Variants in N4BP2 observed in about 807,000 individuals in gnomAD.
N4BP2 encodes NEDD4 binding protein 2.
Under a neutral mutation model 152.8 loss-of-function variants are expected in N4BP2, and 91 were observed. The observed-to-expected ratio is 0.60, with a 90% CI of 0.50 to 0.71. The LOEUF is 0.71. Among genes scored for constraint, N4BP2 ranks in the 30% least tolerant of loss-of-function variants. The probability of loss-of-function intolerance (pLI) is 0.00; values close to 1 mark genes in which losing one functional copy is unlikely to be tolerated. For missense variants in N4BP2, 1,923 were observed against 2,059.1 expected (o/e 0.93, Z 1.28); for synonymous variants, 646 against 705.3 (o/e 0.92, Z 1.33).
intron 2 of N4BP2, among the ~76,000 whole-genome samples, chr4:40,075,985 C>G (rs1482367134): frequency 6.6e-6 from 1 of 152,062 alleles, no homozygotes; most frequent in Non-Finnish European, 1.5e-5. Flanking sequence ...TACCACCAGG[C>G]CTAGCTAATT....
intron 2 of N4BP2, among the ~76,000 whole-genome samples, chr4:40,077,304 T>C (rs1473231952): frequency 2.0e-5 from 3 of 151,502 alleles, no homozygotes; most frequent in Non-Finnish European, 4.4e-5. Context: ...TGTACCACCA[T>C]GCCTGGCTGT....
At chr4:40,110,129 A>T (rs780059870) in intron 5 of N4BP2, among the ~76,000 whole-genome samples, 2 of 152,174 alleles carry the variant, frequency 1.3e-5, no homozygotes, top group Non-Finnish European at 2.9e-5. Context: ...TTCAAGCTTC[A>T]TCCATGTTGT....
Position 40,120,068 on chromosome 4 carries a change from C to A in N4BP2, c.1957C>A (p.Leu653Ile), listed in dbSNP as rs922840832. Residue 653 changes from leucine (L) to isoleucine (I), a missense_variant, in exon 9 of 18, where the codon CTC becomes ATC. By Grantham distance (5) the Leu-to-Ile change is conservative. Coordinates refer to ENST00000261435, the MANE Select transcript of N4BP2 (RefSeq NM_018177.6). Reference sequence around the variant, plus strand: ...AATGTTACCTGAGAATGTTGCATATCTCTCTAATGCAGATTTAAACAAAAG... The same window carrying A: ...AATGTTACCTGAGAATGTTGCATATATCTCTAATGCAGATTTAAACAAAAG... ...ETMLPENVAY[L>I]SNADLNKRRK... 6.2e-7 allele frequency: 1 copy of A among 1,610,910 alleles called. No homozygotes were observed. Among genetic ancestry groups the A allele is most frequent in the South Asian group, 1.1e-5 (1 of 90,866 alleles).
chr4:40,074,030 G>C (rs1712474814), intron 2 of N4BP2, among the ~76,000 whole-genome samples: 1 of 152,034 alleles, frequency 6.6e-6, no homozygotes, highest in African/African-American at 2.4e-5. Context: ...AACCTCAGGT[G>C]ATCCGCCCGC....
chr4:40,169,020 C>T, the N4BP2 span, among the ~76,000 whole-genome samples: 9 of 151,974 alleles, frequency 5.9e-5, no homozygotes, highest in African/African-American at 2.2e-4. Flanking sequence ...GCCACTGCGC[C>T]TGGCCAAATA....
chr4:40,135,469 T>C (rs545067092), intron 13 of N4BP2, among the ~76,000 whole-genome samples: 248 of 152,226 alleles, frequency 1.6e-3, no homozygotes, highest in African/African-American at 5.8e-3. Context: ...TACCCAGTAA[T>C]GGGATGGCTG....
chr4:40,160,194 G>A (rs1363179801), downstream of N4BP2, among the ~76,000 whole-genome samples: 7 of 152,060 alleles, frequency 4.6e-5, no homozygotes, highest in African/African-American at 9.7e-5. Context: ...TAAATGACAC[G>A]GACTAGCTTA....
At chr4:40,122,970 CATAAAT>C (rs1718074412) in intron 9 of N4BP2, among the ~76,000 whole-genome samples, 151 bp from the exon 10 acceptor site, 1 of 152,138 alleles carries the variant, frequency 6.6e-6, no homozygotes, top group South Asian at 2.1e-4. Context: ...TAGCATATAA[CATAAAT>C]AGAAATACTC....
intron 1 of N4BP2, among the ~76,000 whole-genome samples, chr4:40,067,447 G>A (rs1482351984): frequency 2.0e-5 from 3 of 150,098 alleles, no homozygotes. Flanking sequence ...GGACATTTAG[G>A]TTGCTTCCAC....
At chr4:40,146,869 CT>C (rs33993973) in intron 16 of N4BP2, among the ~76,000 whole-genome samples, 20,669 of 89,670 alleles carry the variant, frequency 0.23, 2,096 homozygotes, top group Admixed American at 0.29. Flanking sequence ...ATGTGTTTGG[CT>C]TTTTTTTTTT....
chr4:40,098,727 T>TA (rs980414540), intron 3 of N4BP2, among the ~76,000 whole-genome samples: 4 of 152,238 alleles, frequency 2.6e-5, no homozygotes, highest in Admixed American at 2.0e-4. Flanking sequence ...CTAATTTTGA[T>TA]ATGTTTAAAA....
chr4:40,085,388 T>G (rs1302479408), intron 2 of N4BP2, among the ~76,000 whole-genome samples: 2 of 152,220 alleles, frequency 1.3e-5, no homozygotes, highest in Admixed American at 1.3e-4. Context: ...TACTTTGATG[T>G]GGGTCTACAG....
At chr4:40,141,631 C>T (rs1217250202) in intron 14 of N4BP2, among the ~76,000 whole-genome samples, 2 of 151,678 alleles carry the variant, frequency 1.3e-5, no homozygotes, top group Admixed American at 6.6e-5. Flanking sequence ...GGGCTCCTCA[C>T]GTCCCAGATG....
chr4:40,134,747 C>G (rs1719201807), intron 13 of N4BP2, among the ~76,000 whole-genome samples: 2 of 152,106 alleles, frequency 1.3e-5, no homozygotes, highest in Admixed American at 1.3e-4. Context: ...CTGGTAGTTG[C>G]ACATGGCTTC....
At chr4:40,104,321 G>A (rs375673740) in intron 4 of N4BP2, among the ~76,000 whole-genome samples, 1 of 151,130 alleles carries the variant, frequency 6.6e-6, no homozygotes, top group African/African-American at 2.4e-5. Context: ...TTATCAGTTG[G>A]GTCTCTATTT....
chr4:40,071,780 G>A (rs1712212659), intron 1 of N4BP2, among the ~76,000 whole-genome samples: 1 of 152,106 alleles, frequency 6.6e-6, no homozygotes, highest in Non-Finnish European at 1.5e-5. Context: ...TGGCCAGGCT[G>A]GTCTTGAACT....
In N4BP2 at chr4:40,152,912, A is replaced by T. The variant is rs1434745392; in HGVS notation, c.5267+9A>T. ...ATAAGCCATAGCTTCAGGTGAGTGT[A>T]GATTTCTGTTATTAATAATGGCAAC... On this transcript the variant is annotated intron_variant, in intron 17 of 17. Transcript: ENST00000261435. 37 of 1,613,202 alleles carry T rather than the reference A, an allele frequency of 2.3e-5. No individual in the cohort carries two copies. Among genetic ancestry groups the T allele is most frequent in the Non-Finnish European group, 3.1e-5 (37 of 1,179,672 alleles).
At chr4:40,080,629 C>G (rs1713265446) in intron 2 of N4BP2, among the ~76,000 whole-genome samples, 1 of 151,206 alleles carries the variant, frequency 6.6e-6, no homozygotes, top group African/African-American at 2.4e-5. Flanking sequence ...ACCACCGTGC[C>G]TGGCCTATAT....
In N4BP2 at chr4:40,121,408, T is replaced by C. The variant is rs151139696; in HGVS notation, c.3297T>C (p.Phe1099=). 1,112 of 1,612,262 alleles carry C rather than the reference T, an allele frequency of 6.9e-4. 4 individuals are homozygous for C. In the African/African-American group the frequency reaches 0.014, roughly 20 times the overall value. ...ATCTTAACATTCTTTGTAAACTGTTTGGATCCTTTTCATTAGAAGCCCTGA... is the reference window on the plus strand; with the variant it reads ...ATCTTAACATTCTTTGTAAACTGTTCGGATCCTTTTCATTAGAAGCCCTGA... ...SENLNILCKL[F]GSFSLEALKD... The change falls in exon 9 of 18, where the codon TTT becomes TTC. Residue 1099 remains phenylalanine, a synonymous_variant. Coordinates refer to ENST00000261435, the MANE Select transcript of N4BP2 (RefSeq NM_018177.6).
Sources: gnomAD v4.1 joint callset for allele counts (sites outside exome capture counted in the v4.1 genomes callset) on GRCh38, gnomAD v4.1.1 for gene constraint, MANE v1.5 for transcripts, NCBI Gene and HGNC (gene_info 2026-07-23, HGNC 2026-07-21) for gene names.